Variants in SEZ6L observed in about 807,000 individuals in gnomAD.
SEZ6L encodes seizure 6-like protein.
A neutral mutation model predicts 106.2 loss-of-function variants in SEZ6L; 37 were observed. The observed-to-expected ratio is 0.35, with a 90% CI of 0.27 to 0.46. SEZ6L has a LOEUF of 0.46. SEZ6L is among the 20% of genes least tolerant of loss of function. The probability of loss-of-function intolerance (pLI) is 1.00; values close to 1 mark genes in which losing one functional copy is unlikely to be tolerated. For missense variants in SEZ6L, 1,172 were observed against 1,332.8 expected, an observed-to-expected ratio of 0.88 and a Z score of 1.88; for synonymous variants, 541 against 570.4, an observed-to-expected ratio of 0.95 and a Z score of 0.73.
chr22:26,322,616 G>A (rs551333272), intron 9 of SEZ6L, among the ~76,000 whole-genome samples: 10 of 152,282 alleles, frequency 6.6e-5, no homozygotes, highest in East Asian at 1.9e-4. Flanking sequence ...GAAAAGTGTC[G>A]TGAGCAAAGG....
At chr22:26,361,725 G>T (rs562647632) in intron 12 of SEZ6L, among the ~76,000 whole-genome samples, 1 of 152,200 alleles carries the variant, frequency 6.6e-6, no homozygotes, top group African/African-American at 2.4e-5. Flanking sequence ...GGCTCAGAGA[G>T]GTCAGTTGTG....
At chr22:26,236,599 A>G (rs1384261303) in intron 1 of SEZ6L, among the ~76,000 whole-genome samples, 1 of 152,176 alleles carries the variant, frequency 6.6e-6, no homozygotes, top group Non-Finnish European at 1.5e-5. Context: ...TATAGACTAA[A>G]CCACCAGTTT....
At chr22:26,348,418 T>C (rs2083079602) in intron 11 of SEZ6L, among the ~76,000 whole-genome samples, 1 of 149,660 alleles carries the variant, frequency 6.7e-6, no homozygotes, top group South Asian at 2.1e-4. Context: ...ACAGAAGGAT[T>C]GCTGGAACGC....
chr22:26,281,541 C>CT (rs368386523), intron 1 of SEZ6L, among the ~76,000 whole-genome samples: 3 of 151,568 alleles, frequency 2.0e-5, no homozygotes. Context: ...TGGCCGGCTA[C>CT]TTTTTTTAAA....
At chr22:26,257,145 A>T (rs1179205056) in intron 1 of SEZ6L, among the ~76,000 whole-genome samples, 1 of 152,202 alleles carries the variant, frequency 6.6e-6, no homozygotes. Flanking sequence ...GCTATTAAAC[A>T]TCTTAAAATG....
intron 12 of SEZ6L, among the ~76,000 whole-genome samples, chr22:26,354,537 G>T (rs74909477): frequency 5.1e-4 from 78 of 152,304 alleles, no homozygotes; most frequent in African/African-American, 1.8e-3. Context: ...GGACGTCAGT[G>T]TCATTCCCAT....
At chr22:26,358,932 C>T (rs1055100160) in intron 12 of SEZ6L, among the ~76,000 whole-genome samples, 14 of 152,164 alleles carry the variant, frequency 9.2e-5, no homozygotes, top group Admixed American at 2.0e-4. Flanking sequence ...AAATGTAAAA[C>T]CTGTCTAAGT....
At chr22:26,173,583 T>C (rs1030113881) in intron 1 of SEZ6L, among the ~76,000 whole-genome samples, 26 of 152,218 alleles carry the variant, frequency 1.7e-4, no homozygotes, top group African/African-American at 5.5e-4. Flanking sequence ...GAAAAAGATA[T>C]TTGCCCTTTC....
intron 10 of SEZ6L, 108 bp from the exon 11 acceptor site, chr22:26,347,611 T>C: frequency 2.2e-6 from 2 of 927,904 alleles, no homozygotes. Flanking sequence ...GTGTTGCTCA[T>C]TTCTAGAGGC....
Position 26,310,652 on chromosome 22 carries a change from C to T in SEZ6L, c.1515-18C>T, listed in dbSNP as rs546841590. ...AGGAAGATCTGTCAGTGTCCCTCCT[C>T]TCTGCTCCCACTGCCAGGATGACGG... On this transcript the variant is annotated intron_variant, in intron 6 of 16. Transcript: ENST00000248933. The T allele has an allele frequency of 2.5e-6, 4 of 1,613,830 alleles. No individual in the cohort carries two copies. The highest frequency in any genetic ancestry group is 3.4e-6 in the Non-Finnish European group (4 of 1,179,818).
chr22:26,284,604 CAAAAAAAAAAAA>C (rs137198), intron 1 of SEZ6L, among the ~76,000 whole-genome samples: 25 of 64,028 alleles, frequency 3.9e-4, no homozygotes, highest in South Asian at 1.0e-3. Flanking sequence ...ATCAGGACTC[CAAAAAAAAAAAA>C]AAAAAAAAAA....
At chr22:26,342,408 G>A (rs1251967510) in intron 10 of SEZ6L, among the ~76,000 whole-genome samples, 7 of 151,826 alleles carry the variant, frequency 4.6e-5, no homozygotes, top group Non-Finnish European at 7.4e-5. Flanking sequence ...TGTCCATCTC[G>A]GCCGGGCGCA....
chr22:26,305,214 A>G (rs1402098295), intron 5 of SEZ6L, among the ~76,000 whole-genome samples: 3 of 152,204 alleles, frequency 2.0e-5, no homozygotes, highest in Non-Finnish European at 2.9e-5. Flanking sequence ...GTGGACATTC[A>G]TCTTGGTGTT....
intron 1 of SEZ6L, among the ~76,000 whole-genome samples, chr22:26,264,515 A>G (rs1015405214): frequency 6.6e-6 from 1 of 152,258 alleles, no homozygotes; most frequent in African/African-American, 2.4e-5. Context: ...TGACCTTTTT[A>G]AAGTTTACCT....
At chr22:26,185,367 G>A (rs1601970644) in intron 1 of SEZ6L, among the ~76,000 whole-genome samples, 1 of 152,184 alleles carries the variant, frequency 6.6e-6, no homozygotes, top group Non-Finnish European at 1.5e-5. Flanking sequence ...GAGATGACAC[G>A]GTTGCCAAAA....
intron 12 of SEZ6L, among the ~76,000 whole-genome samples, chr22:26,357,746 G>A (rs538944206): frequency 7.2e-5 from 11 of 152,282 alleles, no homozygotes; most frequent in African/African-American, 2.4e-4. Flanking sequence ...TATTACTGTC[G>A]TTGATATTGT....
chr22:26,228,323 A>G (rs1164705592), intron 1 of SEZ6L, among the ~76,000 whole-genome samples: 1 of 152,216 alleles, frequency 6.6e-6, no homozygotes, highest in Non-Finnish European at 1.5e-5. Flanking sequence ...GGCCCAAATC[A>G]GAGTGGGGAA....
rs2082847875 is a variant in SEZ6L, at chr22:26,341,857, C to T, written c.2212+1225C>T. Among the ~76,000 whole-genome samples, 4 of 152,206 alleles carry T rather than the reference C, an allele frequency of 2.6e-5. No individual in the cohort carries two copies. The South Asian group carries it at 6.2e-4, about 24-fold the overall frequency. The stretch of plus-strand genomic sequence containing the variant: ...ACATGTCCCCGTCTTTCTACGGCCA[C>T]CACTCTAGTCCGAACTACCAACATT... On this transcript the variant is annotated intron_variant, in intron 10 of 16. Transcript: ENST00000248933.
At chr22:26,235,106 AC>A (rs569837353) in intron 1 of SEZ6L, among the ~76,000 whole-genome samples, 1 of 152,194 alleles carries the variant, frequency 6.6e-6, no homozygotes, top group Non-Finnish European at 1.5e-5. Flanking sequence ...AGTAGTGAAA[AC>A]AGGACCTAGT....
Sources: allele counts gnomAD v4.1 joint callset (sites outside exome capture counted in the v4.1 genomes callset), GRCh38; gene constraint gnomAD v4.1.1; transcripts MANE v1.5; gene names NCBI Gene and HGNC (gene_info 2026-07-23, HGNC 2026-07-21).